IQCJ: variants seen among roughly 807,000 people sequenced by gnomAD.
The protein encoded by IQCJ is IQ domain-containing protein J.
IQCJ carries 9 observed loss-of-function variants against 11.0 expected under a neutral mutation model. That is an observed-to-expected ratio of 0.82 (90% CI 0.49 to 1.43). The LOEUF (loss-of-function observed/expected upper bound fraction) is 1.43, where lower values mean the gene tolerates loss of function less well. IQCJ is among the 40% of genes most tolerant of loss of function. The pLI is 0.00. For missense variants in IQCJ, 146 were observed against 133.2 expected, an observed-to-expected ratio of 1.10 and a Z score of -0.47; for synonymous variants, 55 against 51.3, an observed-to-expected ratio of 1.07 and a Z score of -0.31.
chr3:159,148,617 AG>A (rs1224186309), intron 1 of IQCJ, among the ~76,000 whole-genome samples: 1 of 152,210 alleles, frequency 6.6e-6, no homozygotes, highest in African/African-American at 2.4e-5. Flanking sequence ...GAAACTGAGA[AG>A]TCCTATTTAC....
intron 1 of IQCJ, among the ~76,000 whole-genome samples, chr3:159,145,238 G>A (rs889587319): frequency 5.3e-5 from 8 of 152,206 alleles, no homozygotes; most frequent in African/African-American, 1.2e-4. Flanking sequence ...GACAGAAAAT[G>A]AGGGAGAGAA....
chr3:159,244,572 G>T, intron 1 of IQCJ, among the ~76,000 whole-genome samples: 1 of 152,202 alleles, frequency 6.6e-6, no homozygotes, highest in East Asian at 1.9e-4. Flanking sequence ...CCAGAATAGT[G>T]AGGCATAGTT....
chr3:159,228,048 A>G (rs894324068), intron 1 of IQCJ, among the ~76,000 whole-genome samples: 2 of 152,210 alleles, frequency 1.3e-5, no homozygotes, highest in Non-Finnish European at 2.9e-5. Flanking sequence ...TAGAGATTCC[A>G]TTCCATGTTC....
At chr3:159,252,071 A>G (rs559142333) in intron 2 of IQCJ, among the ~76,000 whole-genome samples, 1 of 151,934 alleles carries the variant, frequency 6.6e-6, no homozygotes, top group East Asian at 1.9e-4. Flanking sequence ...TTTCACCTCT[A>G]TTTGTTTTAT....
At chr3:159,219,309 T>A (rs893822414) in intron 1 of IQCJ, among the ~76,000 whole-genome samples, 36 of 151,488 alleles carry the variant, frequency 2.4e-4, no homozygotes, top group African/African-American at 7.3e-4. Flanking sequence ...ACTTAGAATT[T>A]AAAAAAAAAC....
intron 1 of IQCJ, among the ~76,000 whole-genome samples, chr3:159,167,367 G>A (rs183961148): frequency 1.3e-5 from 2 of 152,238 alleles, no homozygotes; most frequent in East Asian, 1.9e-4. Flanking sequence ...AATTGGAACC[G>A]AGAACTTTCT....
chr3:159,220,797 CACTA>C (rs1725491436), intron 1 of IQCJ, among the ~76,000 whole-genome samples: 2 of 152,098 alleles, frequency 1.3e-5, no homozygotes, highest in Non-Finnish European at 2.9e-5. Flanking sequence ...ACAGCCTAGC[CACTA>C]ACTATGGGCT....
intron 1 of IQCJ, among the ~76,000 whole-genome samples, chr3:159,173,204 A>T (rs887459443): frequency 2.0e-5 from 3 of 152,178 alleles, no homozygotes; most frequent in Non-Finnish European, 4.4e-5. Flanking sequence ...ATTGTCAAAA[A>T]TGTGTATAAT....
At chr3:159,203,905 T>A (rs1724499027) in intron 1 of IQCJ, among the ~76,000 whole-genome samples, 1 of 152,156 alleles carries the variant, frequency 6.6e-6, no homozygotes, top group East Asian at 1.9e-4. Flanking sequence ...GTTGTGTCCC[T>A]GTGTGGTAAG....
intron 2 of IQCJ, among the ~76,000 whole-genome samples, chr3:159,249,636 T>A (rs1727476781): frequency 6.6e-6 from 1 of 152,190 alleles, no homozygotes; most frequent in South Asian, 2.1e-4. Flanking sequence ...ATTGAAAAAT[T>A]GGTGTACTTT....
chr3:159,140,079 C>G (rs1177893049), intron 1 of IQCJ, among the ~76,000 whole-genome samples: 1 of 152,148 alleles, frequency 6.6e-6, no homozygotes, highest in Admixed American at 6.5e-5. Context: ...TGTTCACCCC[C>G]ATGTGTAGCC....
At chr3:159,261,225 A>G (rs1728183995) in intron 3 of IQCJ, among the ~76,000 whole-genome samples, 1 of 152,220 alleles carries the variant, frequency 6.6e-6, no homozygotes, top group Non-Finnish European at 1.5e-5. Flanking sequence ...AGGAGTTTAG[A>G]AGAGATAGTG....
At chr3:159,165,852 A>T (rs1374088306) in intron 1 of IQCJ, among the ~76,000 whole-genome samples, 1 of 135,324 alleles carries the variant, frequency 7.4e-6, no homozygotes, top group Non-Finnish European at 1.5e-5. Flanking sequence ...GGTGGTCTCC[A>T]TCTCTTGACC....
intron 1 of IQCJ, among the ~76,000 whole-genome samples, chr3:159,221,021 A>G (rs1176428987): frequency 6.6e-6 from 1 of 152,182 alleles, no homozygotes; most frequent in East Asian, 1.9e-4. Context: ...AATAAATGTA[A>G]GGTTGACAGC....
At chr3:159,248,758 T>G (rs1450322368) in intron 2 of IQCJ, among the ~76,000 whole-genome samples, 3 of 152,230 alleles carry the variant, frequency 2.0e-5, no homozygotes. Context: ...TTTCACTTAT[T>G]CAATAATCTC....
At chr3:159,196,087 T>TA (rs1723966825) in intron 1 of IQCJ, among the ~76,000 whole-genome samples, 1 of 152,136 alleles carries the variant, frequency 6.6e-6, no homozygotes, top group African/African-American at 2.4e-5. Flanking sequence ...GAAAGTAAAA[T>TA]ACAGCAACAT....
intron 1 of IQCJ, among the ~76,000 whole-genome samples, chr3:159,130,648 C>T (rs1443114985): frequency 6.6e-6 from 1 of 152,088 alleles, no homozygotes; most frequent in East Asian, 1.9e-4. Flanking sequence ...TGTAGCTTCT[C>T]AGGTATATAT....
chr3:159,072,947 G>T (rs1715674466), intron 1 of IQCJ, among the ~76,000 whole-genome samples: 1 of 152,092 alleles, frequency 6.6e-6, no homozygotes, highest in Admixed American at 6.6e-5. Flanking sequence ...TTCACTGGGT[G>T]TGTCATTTAG....
intron 1 of IQCJ, among the ~76,000 whole-genome samples, chr3:159,223,437 C>T (rs1334243865): frequency 6.6e-6 from 1 of 152,078 alleles, no homozygotes; most frequent in South Asian, 2.1e-4. Flanking sequence ...AGTGACGTTA[C>T]ATGTGTAAGT....
Sources: gnomAD v4.1 joint callset for allele counts (sites outside exome capture counted in the v4.1 genomes callset) on GRCh38, gnomAD v4.1.1 for gene constraint, MANE v1.5 for transcripts, NCBI Gene and HGNC (gene_info 2026-07-23, HGNC 2026-07-21) for gene names.